The following MGAT4C variants were observed in gnomAD, a reference collection of about 807,000 sequenced individuals.
The protein encoded by MGAT4C is alpha-1,3-mannosyl-glycoprotein 4-beta-N-acetylglucosaminyltransferase C.
MGAT4C carries 19 observed loss-of-function variants against 40.1 expected under a neutral mutation model. The ratio of observed to expected loss-of-function variants is 0.47; its 90% CI spans 0.33 to 0.70. The LOEUF (loss-of-function observed/expected upper bound fraction) is 0.70. MGAT4C is among the 30% of genes least tolerant of loss of function. The pLI is 0.02. For synonymous variants in MGAT4C, 181 were observed against 187.1 expected (o/e 0.97, Z 0.27); for missense variants, 491 against 563.2 (o/e 0.87, Z 1.30).
intron 2 of MGAT4C, among the ~76,000 whole-genome samples, chr12:86,562,415 G>A (rs1959911394): frequency 6.6e-6 from 1 of 152,102 alleles, no homozygotes; most frequent in Admixed American, 6.5e-5. Flanking sequence ...TGCTGGGGGC[G>A]CTGAGCTCCT....
At chr12:86,100,588 T>G (rs563489697) in intron 1 of MGAT4C, among the ~76,000 whole-genome samples, 9 of 151,632 alleles carry the variant, frequency 5.9e-5, no homozygotes, top group Middle Eastern at 3.4e-3. Context: ...CTTTGACATA[T>G]ACGATGGTTT....
intron 1 of MGAT4C, among the ~76,000 whole-genome samples, chr12:86,124,031 T>G (rs1355323913): frequency 6.6e-6 from 1 of 151,980 alleles, no homozygotes; most frequent in Non-Finnish European, 1.5e-5. Flanking sequence ...CAAAGTAAAA[T>G]AAGCCAAAAG....
intron 3 of MGAT4C, among the ~76,000 whole-genome samples, chr12:86,397,435 C>T (rs34724948): frequency 6.6e-6 from 1 of 151,988 alleles, no homozygotes; most frequent in Non-Finnish European, 1.5e-5. Flanking sequence ...AGGCTTTTGC[C>T]TCATATCCAC....
chr12:86,226,518 ACT>A (rs1951082549), intron 1 of MGAT4C, among the ~76,000 whole-genome samples: 1 of 151,384 alleles, frequency 6.6e-6, no homozygotes, highest in African/African-American at 2.4e-5. Flanking sequence ...TCCCCTCTCT[ACT>A]CTCTGTCTTA....
rs74369071 is a variant in MGAT4C at position 86,225,102 on chromosome 12, T to C, written c.-57+31137A>G. On this transcript the variant is annotated intron_variant, in intron 1 of 4. Coordinates refer to ENST00000611864, the MANE Select transcript of MGAT4C (RefSeq NM_001351288.2). ...AATCAGAAATGAAAAAAAGAGATTT[T>C]ATAACTGACAAAAAGAGATTTTATA... Among the ~76,000 whole-genome samples, 453 of 147,108 alleles carry C rather than the reference T, an allele frequency of 3.1e-3. 2 individuals carry two copies. Among genetic ancestry groups the C allele is most frequent in the African/African-American group, 0.01 (432 of 41,186 alleles).
intron 3 of MGAT4C, among the ~76,000 whole-genome samples, chr12:86,343,756 C>T (rs76512826): frequency 0.023 from 3,449 of 152,278 alleles, 132 homozygotes; most frequent in African/African-American, 0.079. Context: ...TCGATCTTCC[C>T]CAACTACCCT....
intron 1 of MGAT4C, among the ~76,000 whole-genome samples, chr12:86,248,070 C>T (rs561849533): frequency 1.3e-5 from 2 of 152,260 alleles, no homozygotes; most frequent in African/African-American, 2.4e-5. Flanking sequence ...CTCCTCTTCA[C>T]CACTTTTAAA....
intron 2 of MGAT4C, among the ~76,000 whole-genome samples, chr12:86,513,344 T>G (rs558034416): frequency 1.3e-5 from 2 of 152,282 alleles, no homozygotes; most frequent in South Asian, 4.1e-4. Flanking sequence ...GTAGGGTTCA[T>G]CTGAAGGACG....
At chr12:86,666,361 C>T (rs1387942503) in intron 2 of MGAT4C, among the ~76,000 whole-genome samples, 1 of 152,092 alleles carries the variant, frequency 6.6e-6, no homozygotes, top group Non-Finnish European at 1.5e-5. Flanking sequence ...AACTCCTCTT[C>T]TAATGTAATC....
intron 2 of MGAT4C, among the ~76,000 whole-genome samples, chr12:86,566,144 T>C (rs1362733467): frequency 6.6e-6 from 1 of 152,138 alleles, no homozygotes; most frequent in Non-Finnish European, 1.5e-5. Flanking sequence ...TCTATTGTGA[T>C]GGTTAATACT....
chr12:86,649,625 C>T (rs1360051299), intron 2 of MGAT4C, among the ~76,000 whole-genome samples: 2 of 151,716 alleles, frequency 1.3e-5, no homozygotes, highest in Non-Finnish European at 2.9e-5. Flanking sequence ...TTATATAAAA[C>T]TAAGTTGGGT....
chr12:86,045,359 C>T (rs1252832698), intron 2 of MGAT4C, among the ~76,000 whole-genome samples: 1 of 152,210 alleles, frequency 6.6e-6, no homozygotes, highest in Non-Finnish European at 1.5e-5. Flanking sequence ...TCTCTCTCCA[C>T]AAGTACTTCA....
rs1351651251 is a variant in MGAT4C, at chr12:85,962,278, C to T, written c.*17011G>A. Reference sequence around the variant, plus strand: ...GGTCTAAATATCCCAACATATCTTTCGTTTTGAGATCTGCAGAACAAAGTC... The same window carrying T: ...GGTCTAAATATCCCAACATATCTTTTGTTTTGAGATCTGCAGAACAAAGTC... On this transcript the variant is annotated 3_prime_UTR_variant, in exon 5 of 5. Transcript: ENST00000611864. 1.3e-5 allele frequency: 2 copies of T among 151,522 alleles called. No homozygotes were observed. Among genetic ancestry groups the T allele is most frequent in the South Asian group, 2.1e-4 (1 of 4,822 alleles). The allele number at this position is 151,522 out of a possible 1,614,324, so 9.4% of individuals were successfully genotyped here.
chr12:86,201,271 C>T (rs183296560), intron 1 of MGAT4C, among the ~76,000 whole-genome samples: 25 of 151,988 alleles, frequency 1.6e-4, no homozygotes, highest in African/African-American at 5.8e-4. Context: ...TGCCATTAAA[C>T]GATCACAGCA....
chr12:86,168,628 G>A (rs1269250954), intron 1 of MGAT4C, among the ~76,000 whole-genome samples: 1 of 152,052 alleles, frequency 6.6e-6, no homozygotes, highest in Non-Finnish European at 1.5e-5. Context: ...AGTAAAGGAC[G>A]TTATTGAGAC....
intron 2 of MGAT4C, among the ~76,000 whole-genome samples, chr12:86,442,646 G>A (rs527748456): frequency 6.6e-6 from 1 of 152,070 alleles, no homozygotes; most frequent in East Asian, 1.9e-4. Context: ...TCAAAGATCA[G>A]ATAGTTGTAG....
At chr12:86,240,295 C>A (rs1951731598) in intron 1 of MGAT4C, among the ~76,000 whole-genome samples, 1 of 151,480 alleles carries the variant, frequency 6.6e-6, no homozygotes, top group Non-Finnish European at 1.5e-5. Context: ...GATATATATG[C>A]CCTGATCCAG....
intron 2 of MGAT4C, among the ~76,000 whole-genome samples, chr12:86,662,838 T>C (rs980537844): frequency 1.3e-5 from 2 of 152,220 alleles, no homozygotes; most frequent in African/African-American, 4.8e-5. Flanking sequence ...AGTAAGCCAA[T>C]TAACTTCATT....
At chr12:86,109,431 A>G (rs1332639392) in intron 1 of MGAT4C, among the ~76,000 whole-genome samples, 1 of 152,166 alleles carries the variant, frequency 6.6e-6, no homozygotes, top group Non-Finnish European at 1.5e-5. Context: ...AGAAGAAAAC[A>G]GAAATCTACA....
Sources: allele counts gnomAD v4.1 joint callset (sites outside exome capture counted in the v4.1 genomes callset), GRCh38; gene constraint gnomAD v4.1.1; transcripts MANE v1.5; gene names NCBI Gene and HGNC (gene_info 2026-07-23, HGNC 2026-07-21).